The following VWF variants were observed in gnomAD, a reference collection of about 807,000 sequenced individuals.
The protein encoded by VWF is von Willebrand factor.
VWF carries 176 observed loss-of-function variants against 308.6 expected under a neutral mutation model. The observed-to-expected ratio is 0.57, with a 90% CI of 0.50 to 0.65. The LOEUF (loss-of-function observed/expected upper bound fraction) is 0.65, where lower values mean the gene tolerates loss of function less well. VWF is among the 30% of genes least tolerant of loss of function. The pLI is 0.00. For synonymous variants in VWF, 1,385 were observed against 1,443.4 expected (o/e 0.96, Z 0.92); for missense variants, 3,146 against 3,648.2 (o/e 0.86, Z 3.55).
intron 5 of VWF, among the ~76,000 whole-genome samples, chr12:6,105,708 GA>G (rs1166191791): frequency 6.6e-6 from 1 of 152,052 alleles, no homozygotes; most frequent in African/African-American, 2.4e-5. Context: ...ATTGCCATTA[GA>G]AATCATCCAG....
chr12:6,071,859 C>G (rs1349281832), intron 9 of VWF, among the ~76,000 whole-genome samples: 1 of 152,196 alleles, frequency 6.6e-6, no homozygotes, highest in East Asian at 1.9e-4. Context: ...TCCAGGGGTG[C>G]TTCTTGAGAT....
At chr12:6,000,614 C>T (rs547535831) in intron 34 of VWF, among the ~76,000 whole-genome samples, 52 of 151,410 alleles carry the variant, frequency 3.4e-4, no homozygotes, top group Non-Finnish European at 6.2e-4. Flanking sequence ...GAGACCATCC[C>T]GGCTAACACG....
intron 9 of VWF, among the ~76,000 whole-genome samples, chr12:6,071,599 TC>T (rs1944783389): frequency 6.6e-6 from 1 of 151,854 alleles, no homozygotes. Context: ...AACTACCTGA[TC>T]CCCCTGAAAA....
At chr12:6,095,076 G>A (rs1316156557) in intron 6 of VWF, among the ~76,000 whole-genome samples, 1 of 151,928 alleles carries the variant, frequency 6.6e-6, no homozygotes, top group East Asian at 1.9e-4. Context: ...GGGATTACAG[G>A]AATGAGCCAC....
chr12:6,007,277 T>C (rs1227840822), intron 34 of VWF, among the ~76,000 whole-genome samples: 4 of 152,208 alleles, frequency 2.6e-5, no homozygotes, highest in African/African-American at 9.6e-5. Context: ...AAATTATACA[T>C]TCTTCTCAAA....
At chr12:5,983,823 G>GATAGATAGATGATAC (rs1943641373) in intron 40 of VWF, among the ~76,000 whole-genome samples, 1 of 84,796 alleles carries the variant, frequency 1.2e-5, no homozygotes, top group African/African-American at 3.6e-5. Flanking sequence ...ATAGATGATA[G>GATAGATAGATGATAC]AGGATAGATG....
chr12:6,096,040 C>T (rs2136501045), intron 5 of VWF: 2 of 245,016 alleles, frequency 8.2e-6, no homozygotes, highest in South Asian at 5.3e-5. Context: ...AGTGCTCAAC[C>T]TAACACCACA....
chr12:6,119,184 T>C (rs1309280095), intron 3 of VWF, among the ~76,000 whole-genome samples: 1 of 152,156 alleles, frequency 6.6e-6, no homozygotes, highest in Non-Finnish European at 1.5e-5. Context: ...ACACTGCAGC[T>C]TCACCCGATG....
intron 34 of VWF, among the ~76,000 whole-genome samples, chr12:5,997,401 T>A (rs1943818256): frequency 3.3e-5 from 5 of 152,192 alleles, no homozygotes; most frequent in Admixed American, 3.3e-4. Flanking sequence ...CAAGGCAAGT[T>A]AGTGAGAATG....
intron 51 of VWF, 148 bp downstream of exon 51, chr12:5,949,637 AC>A: frequency 1.2e-6 from 1 of 853,124 alleles, no homozygotes; most frequent in East Asian, 2.6e-5. Flanking sequence ...CTTCAATAAA[AC>A]ATTTGCTTAA....
In VWF at chr12:6,016,825, G is replaced by A. The variant is rs369529543; in HGVS notation, c.5099C>T (p.Ser1700Phe). ...LDVILLLDGS[S>F]SFPASYFDEM... ...ATCAAAATAAGAAGCTGGGAAACTG[G>A]AGGAGCCATCCAGGAGAAGGATCAC... Residue 1700 changes from serine (S) to phenylalanine (F), a missense_variant, in exon 29 of 52, where the codon TCC becomes TTC. Coordinates refer to ENST00000261405, the MANE Select transcript of VWF (RefSeq NM_000552.5). 1.4e-5 allele frequency: 22 copies of A among 1,613,946 alleles called. No individual in the cohort carries two copies. Among genetic ancestry groups the A allele is most frequent in the Non-Finnish European group, 1.9e-5 (22 of 1,180,048 alleles).
intron 10 of VWF, 131 bp from the exon 11 acceptor site, chr12:6,065,404 T>A: frequency 8.3e-7 from 1 of 1,208,564 alleles, no homozygotes; most frequent in Non-Finnish European, 1.2e-6. Context: ...CCCAAACCAG[T>A]CTAAAAACAA....
chr12:6,047,618 A>G (rs760821235), intron 16 of VWF, among the ~76,000 whole-genome samples: 2 of 152,238 alleles, frequency 1.3e-5, no homozygotes, highest in Non-Finnish European at 2.9e-5. Context: ...TGCCTGGACT[A>G]TGTAAAAGTC....
Position 6,019,363 on chromosome 12 carries a change from C to T in VWF, c.4055G>A (p.Ser1352Asn). The T allele has an allele frequency of 1.2e-6, 2 of 1,613,952 alleles. No individual in the cohort carries two copies. The highest frequency in any genetic ancestry group is 1.7e-6 in the Non-Finnish European group (2 of 1,179,870). ...GACCTCGCTGGTGGAGGCCACCTGG[C>T]TGCCCGCATACTTCACCTGGCTGGC... is the stretch of plus-strand genomic sequence containing the variant. ...RIASQVKYAGSQVASTSEVLK... is the reference protein window; with the variant it reads ...RIASQVKYAGNQVASTSEVLK... The change falls in exon 28 of 52, where the codon AGC (serine) becomes AAC (asparagine). Residue 1352 changes from serine to asparagine, a missense_variant. Coordinates refer to ENST00000261405, the MANE Select transcript of VWF (RefSeq NM_000552.5). This position sits in a 1 kb window ranked among gnomAD's most constrained non-coding sequence, Gnocchi z 5.8.
intron 37 of VWF, among the ~76,000 whole-genome samples, chr12:5,993,633 A>ATG (rs141921218): frequency 0.074 from 10,662 of 143,570 alleles, 561 homozygotes; most frequent in East Asian, 0.23. Context: ...ATACATATAT[A>ATG]TGTGTGTGTG....
In VWF at chr12:6,108,334, T is replaced by TACACAC. The variant is rs34140032; in HGVS notation, c.532+2034_532+2039dup. 5.0e-3 allele frequency among the ~76,000 whole-genome samples: 616 copies of TACACAC among 124,168 alleles called. 7 individuals are homozygous for TACACAC. The highest frequency in any genetic ancestry group is 0.013 in the African/African-American group (449 of 34,758). 81.5% of individuals were successfully genotyped at this position (124,168 alleles called of 152,430 possible). ...AGAAAGAAAGAAAGAAAGAAATATATACACACACACACACACACACACACA... is the reference window on the plus strand; with the variant it reads ...AGAAAGAAAGAAAGAAAGAAATATATACACACACACACACACACACACACACACACA... On this transcript the variant is annotated intron_variant, in intron 5 of 51. Transcript: ENST00000261405.
At chr12:6,014,768 G>C (rs1406087767) in intron 31 of VWF, among the ~76,000 whole-genome samples, 1 of 152,200 alleles carries the variant, frequency 6.6e-6, no homozygotes, top group East Asian at 1.9e-4. Flanking sequence ...CACTGAACTA[G>C]ACCACCAAGG....
intron 5 of VWF, among the ~76,000 whole-genome samples, chr12:6,106,881 A>C (rs1414051342): frequency 6.7e-6 from 1 of 149,422 alleles, no homozygotes; most frequent in African/African-American, 2.5e-5. Context: ...GACTCAAAAA[A>C]AAAAAAAAAA....
chr12:6,023,671 C>T lies in VWF; in HGVS notation c.3339G>A (p.Gln1113=), dbSNP rs543974370. The T allele has an allele frequency of 6.2e-7, 1 of 1,613,920 alleles. No individual in the cohort carries two copies. Among genetic ancestry groups the T allele is most frequent in the Non-Finnish European group, 8.5e-7 (1 of 1,180,018 alleles). ...TIAAYAHVCA[Q]HGKVVTWRTA... ...TCCTCCAGGTCACCACCTTGCCATG[C>T]TGGGCACACACGTGGGCATAGGCAG... Residue 1113 remains glutamine, a synonymous_variant, in exon 25 of 52, where the codon CAG becomes CAA. Coordinates refer to ENST00000261405, the MANE Select transcript of VWF (RefSeq NM_000552.5).
Sources: allele counts gnomAD v4.1 joint callset (sites outside exome capture counted in the v4.1 genomes callset), GRCh38; gene constraint gnomAD v4.1.1; non-coding constraint Gnocchi (gnomAD v3.1); transcripts MANE v1.5; gene names NCBI Gene and HGNC (gene_info 2026-07-23, HGNC 2026-07-21).